NEK11: variants seen among roughly 807,000 people sequenced by gnomAD.
NEK11 encodes the protein serine/threonine-protein kinase Nek11.
NEK11 carries 72 observed loss-of-function variants against 80.7 expected under a neutral mutation model. The ratio of observed to expected loss-of-function variants is 0.89; its 90% CI spans 0.74 to 1.08. NEK11 has a LOEUF of 1.08. NEK11 is among the 50% of genes least tolerant of loss of function. The pLI is 0.00. For missense variants in NEK11, 764 were observed against 763.6 expected (o/e 1.00, Z -0.01); for synonymous variants, 251 against 260.7 (o/e 0.96, Z 0.36).
chr3:131,292,585 A>G (rs1022872632), intron 17 of NEK11, among the ~76,000 whole-genome samples: 2 of 150,614 alleles, frequency 1.3e-5, no homozygotes, highest in African/African-American at 2.4e-5. Flanking sequence ...GTGTGATGAT[A>G]GCTCACTGCA....
chr3:131,187,879 A>G (rs1371442041), intron 14 of NEK11, among the ~76,000 whole-genome samples: 1 of 152,206 alleles, frequency 6.6e-6, no homozygotes, highest in Non-Finnish European at 1.5e-5. Context: ...CAAAGCTTAC[A>G]TTTATTAAAA....
At chr3:131,119,030 C>T (rs1452888093) in intron 5 of NEK11, among the ~76,000 whole-genome samples, 2 of 152,020 alleles carry the variant, frequency 1.3e-5, no homozygotes, top group Non-Finnish European at 2.9e-5. Context: ...TGTGTTTGCT[C>T]TTGCTTCTCT....
chr3:131,073,286 C>T (rs1177098957), intron 3 of NEK11, among the ~76,000 whole-genome samples: 1 of 152,156 alleles, frequency 6.6e-6, no homozygotes, highest in Non-Finnish European at 1.5e-5. Context: ...TTCAAACCAC[C>T]TACTCCTAGA....
intron 14 of NEK11, among the ~76,000 whole-genome samples, chr3:131,213,024 T>A (rs2094688462): frequency 6.6e-6 from 1 of 152,198 alleles, no homozygotes; most frequent in Admixed American, 6.5e-5. Context: ...GAAGAAGGAA[T>A]TCTGTCTCCA....
chr3:131,212,079 C>T (rs2094641088), intron 14 of NEK11, among the ~76,000 whole-genome samples: 1 of 152,168 alleles, frequency 6.6e-6, no homozygotes, highest in Admixed American at 6.5e-5. Context: ...TTTCTTCTCT[C>T]GTTTCTCCCC....
At chr3:131,046,750 C>T (rs2067462714) in intron 3 of NEK11, among the ~76,000 whole-genome samples, 1 of 152,190 alleles carries the variant, frequency 6.6e-6, no homozygotes, top group African/African-American at 2.4e-5. Flanking sequence ...TGACTTGAGA[C>T]AGCCTGATGA....
chr3:131,321,747 A>G (rs2096899264), intron 17 of NEK11, among the ~76,000 whole-genome samples: 1 of 152,190 alleles, frequency 6.6e-6, no homozygotes, highest in Non-Finnish European at 1.5e-5. Context: ...CATGCTCAAC[A>G]TCACTAAATA....
chr3:131,276,459 A>C (rs1456879420), intron 17 of NEK11, among the ~76,000 whole-genome samples: 4 of 152,206 alleles, frequency 2.6e-5, no homozygotes, highest in Non-Finnish European at 5.9e-5. Context: ...TGTAACCCCA[A>C]GTCAATCAGA....
chr3:131,318,206 C>G (rs1259378652), intron 17 of NEK11, among the ~76,000 whole-genome samples: 1 of 152,132 alleles, frequency 6.6e-6, no homozygotes, highest in Non-Finnish European at 1.5e-5. Flanking sequence ...GGAGAAAAAC[C>G]TACTTCAGTT....
At chr3:131,272,316 A>G (rs1462605408) in intron 16 of NEK11, among the ~76,000 whole-genome samples, 1 of 151,968 alleles carries the variant, frequency 6.6e-6, no homozygotes, top group Non-Finnish European at 1.5e-5. Context: ...TACTGATGGG[A>G]TGTGAAGCAC....
chr3:131,231,342 G>A lies in NEK11; in HGVS notation c.1560+2654G>A, dbSNP rs184670918. 4.4e-4 allele frequency among the ~76,000 whole-genome samples: 66 copies of A among 150,460 alleles called. No individual in the cohort carries two copies. The Middle Eastern group carries it at 0.01, about 24-fold the overall frequency. ...TTCCTGCGGTCACGTAGCTAGGCAA[G>A]GATCAGACTCATGCCTCAGGCCCAC... is the stretch of plus-strand genomic sequence containing the variant. On this transcript the variant is annotated intron_variant, in intron 15 of 17. Transcript: ENST00000383366.
At chr3:131,107,333 A>C (rs1478258424) in intron 4 of NEK11, among the ~76,000 whole-genome samples, 1 of 151,682 alleles carries the variant, frequency 6.6e-6, no homozygotes, top group African/African-American at 2.4e-5. Context: ...TACGTCGTGC[A>C]CATGTACCCT....
intron 4 of NEK11, among the ~76,000 whole-genome samples, chr3:131,104,879 G>T (rs961106605): frequency 1.2e-4 from 19 of 152,196 alleles, no homozygotes; most frequent in African/African-American, 3.6e-4. Flanking sequence ...CAGACATGTG[G>T]TCCTTGGGGA....
chr3:131,343,253 A>C (rs1250641160), intron 17 of NEK11, among the ~76,000 whole-genome samples: 1 of 152,142 alleles, frequency 6.6e-6, no homozygotes, highest in African/African-American at 2.4e-5. Flanking sequence ...TGTGAGGTAA[A>C]GAGAGAAGAT....
Position 131,165,450 on chromosome 3 carries a change from A to C in NEK11, c.1107A>C (p.Glu369Asp), listed in dbSNP as rs536696918. ...KLKKIVEEKYEENSKRMQELR... is the reference protein window; with the variant it reads ...KLKKIVEEKYDENSKRMQELR... ...GAAAGATTGTGGAAGAAAAATATGA[A>C]GAAAATAGCAAACGAATGCAAGAAT... The change falls in exon 12 of 18, where the codon GAA (glutamate) becomes GAC (aspartate). Residue 369 changes from glutamate (E) to aspartate (D), a missense_variant. Physicochemically the swap from Glu to Asp is conservative, Grantham distance 45. Coordinates refer to ENST00000383366, the MANE Select transcript of NEK11 (RefSeq NM_024800.5). The C allele has an allele frequency of 1.2e-6, 2 of 1,612,134 alleles. No homozygotes were observed. Among genetic ancestry groups the C allele is most frequent in the African/African-American group, 2.7e-5 (2 of 75,014 alleles).
chr3:131,349,840 T>C lies in NEK11; in HGVS notation c.*64T>C, dbSNP rs1298851331. On this transcript the variant is annotated 3_prime_UTR_variant, in exon 18 of 18. Coordinates refer to ENST00000383366, the MANE Select transcript of NEK11 (RefSeq NM_024800.5). ...TTTATGTGAAAATTCATTTAACATA[T>C]AAGCTGAACTCTATTATGGGGAATG... The C allele has an allele frequency of 8.1e-7, 1 of 1,227,762 alleles. No individual in the cohort carries two copies. The highest frequency in any genetic ancestry group is 1.2e-6 in the Non-Finnish European group (1 of 841,794). 76.1% of individuals were successfully genotyped at this position (1,227,762 alleles called of 1,614,324 possible). A position where few individuals can be genotyped will look rare whatever the true frequency, so the allele number is the denominator to read the frequency against.
chr3:131,131,116 T>C (rs1578799509), intron 5 of NEK11, among the ~76,000 whole-genome samples: 1 of 152,360 alleles, frequency 6.6e-6, no homozygotes, highest in East Asian at 1.9e-4. Flanking sequence ...ATGTTGGATT[T>C]GATTTGCTAA....
intron 17 of NEK11, among the ~76,000 whole-genome samples, chr3:131,314,056 T>C (rs2096809130): frequency 1.3e-5 from 2 of 152,188 alleles, no homozygotes; most frequent in Admixed American, 1.3e-4. Flanking sequence ...TACCCAGTAT[T>C]CTGATTGGTA....
rs973884572 is a variant in NEK11, at chr3:131,029,699, G to A, written c.-10G>A. On this transcript the variant is annotated 5_prime_UTR_variant, in exon 3 of 18. Coordinates refer to ENST00000383366, the MANE Select transcript of NEK11 (RefSeq NM_024800.5). ...TAAATGAATGAACCAGTTCTCTCTT[G>A]TTTGGAGCAATGCTGAAATTCCAAG... 1.9e-6 allele frequency: 3 copies of A among 1,613,382 alleles called. No homozygotes were observed. Among genetic ancestry groups the A allele is most frequent in the East Asian group, 2.2e-5 (1 of 44,868 alleles).
Sources: allele counts gnomAD v4.1 joint callset (sites outside exome capture counted in the v4.1 genomes callset), GRCh38; gene constraint gnomAD v4.1.1; transcripts MANE v1.5; gene names NCBI Gene and HGNC (gene_info 2026-07-23, HGNC 2026-07-21).